The following GRM5 variants were observed in gnomAD, a reference collection of about 807,000 sequenced individuals.
GRM5 encodes metabotropic glutamate receptor 5.
Under a neutral mutation model 83.1 loss-of-function variants are expected in GRM5, and 19 were observed. The ratio of observed to expected loss-of-function variants is 0.23; its 90% CI spans 0.16 to 0.34. GRM5 has a LOEUF of 0.34. Ranked by LOEUF, GRM5 falls within the 10% of genes least tolerant of loss-of-function variation. GRM5 has a pLI of 1.00. For missense variants in GRM5, 1,160 were observed against 1,588.3 expected (o/e 0.73, Z 4.58); for synonymous variants, 675 against 633.6 (o/e 1.07, Z -0.98).
intron 3 of GRM5, among the ~76,000 whole-genome samples, chr11:88,720,015 G>C (rs1361263338): frequency 6.6e-6 from 1 of 152,020 alleles, no homozygotes; most frequent in Non-Finnish European, 1.5e-5. Context: ...TCTGTAGCTT[G>C]TCTGTTTACT....
Position 88,632,647 on chromosome 11 carries a change from C to T in GRM5, c.1147+20521G>A, listed in dbSNP as rs200794910. On this transcript the variant is annotated intron_variant, in intron 4 of 9. Transcript: ENST00000305447. Reference sequence around the variant, plus strand: ...GTTGGTGAATATTTAGGTTTTTTGGCGTTTGAGCTATTACAAATAACATCA... The same window carrying T: ...GTTGGTGAATATTTAGGTTTTTTGGTGTTTGAGCTATTACAAATAACATCA... Among the ~76,000 whole-genome samples, 5 of 152,028 alleles carry T rather than the reference C, an allele frequency of 3.3e-5. No homozygotes were observed. The East Asian group carries it at 9.6e-4, about 29-fold the overall frequency.
chr11:88,768,909 C>A (rs944255615), intron 3 of GRM5, among the ~76,000 whole-genome samples: 2 of 151,980 alleles, frequency 1.3e-5, no homozygotes, highest in Non-Finnish European at 2.9e-5. Context: ...TACACTGGAC[C>A]TCCAGAAATG....
chr11:88,727,161 C>T (rs965267588), intron 3 of GRM5, among the ~76,000 whole-genome samples: 13 of 152,102 alleles, frequency 8.5e-5, no homozygotes, highest in African/African-American at 2.2e-4. Context: ...TGTGCAAAGA[C>T]GCACATAGGC....
At chr11:88,848,746 G>C (rs1944340356) in intron 3 of GRM5, among the ~76,000 whole-genome samples, 1 of 152,156 alleles carries the variant, frequency 6.6e-6, no homozygotes, top group African/African-American at 2.4e-5. Flanking sequence ...CCTGGGCTAT[G>C]AGTGCCCAGA....
At chr11:88,782,114 A>AT (rs772727554) in intron 3 of GRM5, among the ~76,000 whole-genome samples, 1 of 151,986 alleles carries the variant, frequency 6.6e-6, no homozygotes, top group Non-Finnish European at 1.5e-5. Context: ...ATTAAATCTA[A>AT]TTTTTTTACA....
At chr11:88,814,953 G>T (rs1316900714) in intron 3 of GRM5, among the ~76,000 whole-genome samples, 3 of 152,104 alleles carry the variant, frequency 2.0e-5, no homozygotes, top group Non-Finnish European at 4.4e-5. Flanking sequence ...GAATGAAACT[G>T]TAAAAATAAA....
intron 3 of GRM5, among the ~76,000 whole-genome samples, chr11:88,710,772 G>A (rs1308568880): frequency 6.6e-6 from 1 of 151,970 alleles, no homozygotes; most frequent in Admixed American, 6.6e-5. Flanking sequence ...TTGAGAAGGT[G>A]CATTGCAGGT....
At chr11:88,797,193 A>G (rs1362308025) in intron 3 of GRM5, among the ~76,000 whole-genome samples, 1 of 152,086 alleles carries the variant, frequency 6.6e-6, no homozygotes, top group Non-Finnish European at 1.5e-5. Context: ...TCTGTCACCC[A>G]GGCTGGAGTG....
chr11:88,743,789 A>G (rs991113133), intron 3 of GRM5, among the ~76,000 whole-genome samples: 4 of 152,154 alleles, frequency 2.6e-5, no homozygotes, highest in Non-Finnish European at 5.9e-5. Flanking sequence ...GTAGTCACTA[A>G]CCAAAAATGG....
In GRM5 at chr11:88,961,445, C is replaced by T. The variant is rs559614746; in HGVS notation, c.661+85767G>A. Among the ~76,000 whole-genome samples the T allele has an allele frequency of 2.6e-5, 4 of 152,012 alleles. No homozygotes were observed. In the South Asian group the frequency reaches 8.3e-4, roughly 32 times the overall value. The stretch of plus-strand genomic sequence containing the variant: ...CAAGAATTGAGGCTGCCATTTGCAA[C>T]TGTGCCAGGGTCAAAGTCACTGTCT... On this transcript the variant is annotated intron_variant, in intron 2 of 9. Transcript: ENST00000305447.
At chr11:89,011,402 G>A (rs1490116403) in intron 2 of GRM5, among the ~76,000 whole-genome samples, 3 of 152,232 alleles carry the variant, frequency 2.0e-5, no homozygotes, top group East Asian at 3.9e-4. Context: ...TGAATATCGT[G>A]GGAATAACTT....
At chr11:88,945,346 T>C (rs1229396761) in intron 2 of GRM5, among the ~76,000 whole-genome samples, 1 of 152,040 alleles carries the variant, frequency 6.6e-6, no homozygotes, top group Non-Finnish European at 1.5e-5. Flanking sequence ...TCAATGTTAC[T>C]CTTATCAAAT....
At position 88,553,392 on chromosome 11, in the gene GRM5, A is replaced by C. The variant is rs562156374; in HGVS notation, c.2630+13661T>G. On this transcript the variant is annotated intron_variant, in intron 8 of 9. Coordinates refer to ENST00000305447, the MANE Select transcript of GRM5 (RefSeq NM_001143831.3). ...TGAGAGATGTGTCCACAGTTCACTC[A>C]GAGTTCCTGTTCCCCCTCATTTTCC... 1.1e-4 allele frequency among the ~76,000 whole-genome samples: 17 copies of C among 152,270 alleles called. 1 individual carries two copies. The highest frequency in any genetic ancestry group is 8.3e-4 in the South Asian group (4 of 4,828).
At chr11:88,921,735 A>G (rs1391734275) in intron 2 of GRM5, among the ~76,000 whole-genome samples, 1 of 152,172 alleles carries the variant, frequency 6.6e-6, no homozygotes, top group East Asian at 1.9e-4. Flanking sequence ...GTTATTCAGC[A>G]TAATTCTGGA....
intron 2 of GRM5, among the ~76,000 whole-genome samples, chr11:88,971,817 T>C (rs1300770266): frequency 6.6e-6 from 1 of 152,128 alleles, no homozygotes; most frequent in African/African-American, 2.4e-5. Flanking sequence ...TAGTGTCCTA[T>C]TATTTGTTTC....
intron 4 of GRM5, among the ~76,000 whole-genome samples, chr11:88,645,499 T>C (rs1411033667): frequency 1.3e-5 from 2 of 152,036 alleles, no homozygotes; most frequent in Admixed American, 1.3e-4. Flanking sequence ...GGAACACAGA[T>C]TTCATGGGTT....
At chr11:88,979,478 G>C (rs891489359) in intron 2 of GRM5, among the ~76,000 whole-genome samples, 1 of 152,072 alleles carries the variant, frequency 6.6e-6, no homozygotes, top group East Asian at 1.9e-4. Context: ...TACGTTACAG[G>C]TATTACAAAA....
intron 4 of GRM5, among the ~76,000 whole-genome samples, chr11:88,635,705 T>C (rs1343569901): frequency 6.6e-6 from 1 of 152,188 alleles, no homozygotes; most frequent in Non-Finnish European, 1.5e-5. Context: ...TCCTTGTCTA[T>C]TTTTGTTTTC....
intron 2 of GRM5, among the ~76,000 whole-genome samples, chr11:88,913,966 G>A (rs1945547620): frequency 6.6e-6 from 1 of 152,070 alleles, no homozygotes; most frequent in African/African-American, 2.4e-5. Context: ...GTTTCCTGCT[G>A]CTTCTGCTCC....
Sources: gnomAD v4.1 joint callset for allele counts (sites outside exome capture counted in the v4.1 genomes callset) on GRCh38, gnomAD v4.1.1 for gene constraint, MANE v1.5 for transcripts, NCBI Gene and HGNC (gene_info 2026-07-23, HGNC 2026-07-21) for gene names.